CCDC107: variants seen among roughly 807,000 people sequenced by gnomAD.
CCDC107 encodes coiled-coil domain containing 107, also known as coiled-coil domain-containing protein 107.
CCDC107 carries 17 observed loss-of-function variants against 17.9 expected under a neutral mutation model. The ratio of observed to expected loss-of-function variants is 0.95; its 90% CI spans 0.65 to 1.42. CCDC107 has a LOEUF of 1.42. Ranked by LOEUF, CCDC107 falls within the 40% of genes most tolerant of loss-of-function variation. The probability of loss-of-function intolerance (pLI) is 0.00; values close to 1 mark genes in which losing one functional copy is unlikely to be tolerated. For synonymous variants in CCDC107, 170 were observed against 157.2 expected, an observed-to-expected ratio of 1.08 and a Z score of -0.61; for missense variants, 388 against 360.1, an observed-to-expected ratio of 1.08 and a Z score of -0.63.
chr9:35,661,323 GAAGA>G lies in CCDC107; in HGVS notation c.*137_*140del. The G allele has an allele frequency of 1.6e-6, 1 of 625,280 alleles. No individual in the cohort carries two copies. Among genetic ancestry groups the G allele is most frequent in the Non-Finnish European group, 2.8e-6 (1 of 363,302 alleles). 38.7% of individuals were successfully genotyped at this position (625,280 alleles called of 1,614,324 possible). On this transcript the variant is annotated 3_prime_UTR_variant, in exon 5 of 5. Coordinates refer to ENST00000426546, the MANE Select transcript of CCDC107 (RefSeq NM_174923.3). The stretch of plus-strand genomic sequence containing the variant: ...GGCTGCCTTCCAGTGTGACAGCAGA[GAAGA>G]TAGAGGGAGCTCCAGCTCTTTTCCT...
rs1365114611 is a variant in CCDC107, at chr9:35,658,366, C to T, written c.-14C>T. ...CGGCACCGCCCGCCCGATCCCTCCA[C>T]CCGTGGGCCGGCAATGGCGGGCGCA... On this transcript the variant is annotated 5_prime_UTR_variant, in exon 1 of 5. Coordinates refer to ENST00000426546, the MANE Select transcript of CCDC107 (RefSeq NM_174923.3). 7 of 1,395,930 alleles carry T rather than the reference C, an allele frequency of 5.0e-6. No individual in the cohort carries two copies. In the East Asian group the frequency reaches 1.2e-4, roughly 24 times the overall value. The allele number at this position is 1,395,930 out of a possible 1,614,324, so 86.5% of individuals were successfully genotyped here.
intron 2 of CCDC107, chr9:35,659,779 A>G (rs1276912211): frequency 6.6e-6 from 1 of 152,234 alleles, no homozygotes; most frequent in Non-Finnish European, 1.5e-5. Context: ...AGGCTCCAGT[A>G]AGCACTATGG....
Position 35,658,616 on chromosome 9 carries a change from G to T in CCDC107, c.147G>T (p.Arg49=). 2 of 1,577,268 alleles carry T rather than the reference G, an allele frequency of 1.3e-6. No individual in the cohort carries two copies. Among genetic ancestry groups the T allele is most frequent in the Non-Finnish European group, 1.7e-6 (2 of 1,167,518 alleles). ...CCGGCTCTGGAGCCACGGAACCCCG[G>T]CGGCGACCACCGCTCAAGGATCAAC... The part of the protein sequence containing the change: ...AHPGSGATEP[R]RRPPLKDQRE... Residue 49 remains arginine (R), a synonymous_variant, in exon 2 of 5, where the codon CGG becomes CGT. Transcript: ENST00000426546.
At position 35,661,380 on chromosome 9, in the gene CCDC107, G is replaced by C; in HGVS notation, c.*193G>C. The C allele has an allele frequency of 2.1e-6, 1 of 480,350 alleles. No individual in the cohort carries two copies. Among genetic ancestry groups the C allele is most frequent in the Non-Finnish European group, 3.7e-6 (1 of 273,942 alleles). 29.8% of individuals were successfully genotyped at this position (480,350 alleles called of 1,614,324 possible). A position where few individuals can be genotyped will look rare whatever the true frequency, so the allele number is the denominator to read the frequency against. Reference sequence around the variant, plus strand: ...TATTCCTGAGGCCACCAGCATGCCCGCGTTCAGGGCCCAAAAATCCCTTTT... The same window carrying C: ...TATTCCTGAGGCCACCAGCATGCCCCCGTTCAGGGCCCAAAAATCCCTTTT... On this transcript the variant is annotated 3_prime_UTR_variant, in exon 5 of 5. Coordinates refer to ENST00000426546, the MANE Select transcript of CCDC107 (RefSeq NM_174923.3).
In CCDC107 at chr9:35,661,366, C is replaced by T; in HGVS notation, c.*179C>T. 3.9e-6 allele frequency: 2 copies of T among 515,624 alleles called. No individual in the cohort carries two copies. Among genetic ancestry groups the T allele is most frequent in the South Asian group, 6.8e-5 (2 of 29,444 alleles). The allele number at this position is 515,624 out of a possible 1,614,324, so 31.9% of individuals were successfully genotyped here. On this transcript the variant is annotated 3_prime_UTR_variant, in exon 5 of 5. Coordinates refer to ENST00000426546, the MANE Select transcript of CCDC107 (RefSeq NM_174923.3). ...AGCTCTTTTCCTCGTATTCCTGAGG[C>T]CACCAGCATGCCCGCGTTCAGGGCC...
At position 35,658,304 on chromosome 9, in the gene CCDC107, G is replaced by A; in HGVS notation, c.-76G>A. 1 of 1,229,508 alleles carries A rather than the reference G, an allele frequency of 8.1e-7. No homozygotes were observed. Among genetic ancestry groups the A allele is most frequent in the Non-Finnish European group, 1.0e-6 (1 of 963,982 alleles). 76.2% of individuals were successfully genotyped at this position (1,229,508 alleles called of 1,614,324 possible). A position where few individuals can be genotyped will look rare whatever the true frequency, so the allele number is the denominator to read the frequency against. ...AGCCGGCCGGCCTGCTCGCGTGCGCGTGCGCGTTGGGGCGGCCGGCCAATG... is the reference window on the plus strand; with the variant it reads ...AGCCGGCCGGCCTGCTCGCGTGCGCATGCGCGTTGGGGCGGCCGGCCAATG... On this transcript the variant is annotated 5_prime_UTR_variant, in exon 1 of 5. The change creates a new upstream start codon in the 5' untranslated region. Coordinates refer to ENST00000426546, the MANE Select transcript of CCDC107 (RefSeq NM_174923.3).
chr9:35,660,675 T>A, intron 4 of CCDC107, 28 bp downstream of exon 4: 2 of 1,613,978 alleles, frequency 1.2e-6, no homozygotes. Context: ...TCTGTGAATT[T>A]TTGGGGAATT....
chr9:35,660,703 A>G (rs1413249989), intron 4 of CCDC107, 43 bp from the exon 5 acceptor site: 8 of 1,613,546 alleles, frequency 5.0e-6, no homozygotes, highest in Non-Finnish European at 5.9e-6. Flanking sequence ...GGAGGGAGGA[A>G]TGGGGACATA....
rs1563912978 is a variant in CCDC107 at position 35,660,969 on chromosome 9, T to C, written c.634T>C (p.Cys212Arg). 1.2e-6 allele frequency: 2 copies of C among 1,614,154 alleles called. No homozygotes were observed. Among genetic ancestry groups the C allele is most frequent in the East Asian group, 2.2e-5 (1 of 44,878 alleles). Residue 212 changes from cysteine to arginine, a missense_variant, in exon 5 of 5, where the codon TGT (cysteine) becomes CGT (arginine). Cys to Arg is a radical substitution (Grantham distance 180). Coordinates refer to ENST00000426546, the MANE Select transcript of CCDC107 (RefSeq NM_174923.3). ...CAGCAGACCTCTTCCTGAGGACTTC[T>C]GTTTAAAGGAGGACGAGGAGGAGAT... is the stretch of plus-strand genomic sequence containing the variant. ...EASRPLPEDF[C>R]LKEDEEEIGD...
Position 35,661,070 on chromosome 9 carries a change from G to A in CCDC107, c.735G>A (p.Val245=), listed in dbSNP as rs751950189. Residue 245 remains valine (V), a synonymous_variant, in exon 5 of 5, where the codon GTG becomes GTA. Transcript: ENST00000426546. ...ETWNLATSWE[V]GRGLRRRCSQ... ...GGAACCTAGCTACTTCCTGGGAGGTGGGGCGGGGACTACGGAGAAGGTGCA... is the reference window on the plus strand; with the variant it reads ...GGAACCTAGCTACTTCCTGGGAGGTAGGGCGGGGACTACGGAGAAGGTGCA... 1.9e-6 allele frequency: 3 copies of A among 1,614,190 alleles called. No individual in the cohort carries two copies. In the African/African-American group the frequency reaches 4.0e-5, roughly 22 times the overall value.
rs1450131149 is a variant in CCDC107, at chr9:35,660,381, C to T, written c.259-20C>T. On this transcript the variant is annotated intron_variant, in intron 2 of 4. Coordinates refer to ENST00000426546, the MANE Select transcript of CCDC107 (RefSeq NM_174923.3). ...AGAACCTTGTTGCTTCAGTACTGCC[C>T]TTTCCTTCTTCCACAACAGGGGAAA... 6.3e-7 allele frequency: 1 copy of T among 1,578,316 alleles called. No homozygotes were observed. Among genetic ancestry groups the T allele is most frequent in the Non-Finnish European group, 8.6e-7 (1 of 1,163,134 alleles).
rs1489880552 is a variant in CCDC107 at position 35,658,586 on chromosome 9, C to T, written c.117C>T (p.Ala39=). 1.3e-6 allele frequency: 2 copies of T among 1,582,494 alleles called. No homozygotes were observed. Among genetic ancestry groups the T allele is most frequent in the Non-Finnish European group, 1.7e-6 (2 of 1,172,528 alleles). Residue 39 remains alanine (A), a synonymous_variant, in exon 2 of 5, where the codon GCC becomes GCT. Transcript: ENST00000426546. ...ATCCTCCCTCCGCAGGGAACGCAGC[C>T]CACCCCGGCTCTGGAGCCACGGAAC... ...PDLRAHPGNA[A]HPGSGATEPR...
At chr9:35,658,889 T>C in intron 2 of CCDC107, 162 bp downstream of exon 2, 1 of 460,020 alleles carries the variant, frequency 2.2e-6, no homozygotes. Flanking sequence ...CCTTCCAATA[T>C]TATGAGGTTA....
Position 35,661,075 on chromosome 9 carries a change from G to C in CCDC107, c.740G>C (p.Arg247Pro). Residue 247 changes from arginine (R) to proline (P), a missense_variant, in exon 5 of 5, where the codon CGG becomes CCG. By Grantham distance (103) the Arg-to-Pro change is moderately radical. Transcript: ENST00000426546. ...CTAGCTACTTCCTGGGAGGTGGGGCGGGGACTACGGAGAAGGTGCAGCCAG... is the reference window on the plus strand; with the variant it reads ...CTAGCTACTTCCTGGGAGGTGGGGCCGGGACTACGGAGAAGGTGCAGCCAG... ...WNLATSWEVG[R>P]GLRRRCSQAV... 1 of 1,614,186 alleles carries C rather than the reference G, an allele frequency of 6.2e-7. No homozygotes were observed. Among genetic ancestry groups the C allele is most frequent in the Non-Finnish European group, 8.5e-7 (1 of 1,180,040 alleles).
At position 35,660,624 on chromosome 9, in the gene CCDC107, C is replaced by T. The variant is rs1386516302; in HGVS notation, c.387C>T (p.Ala129=). ...AGCAGCACCTGAACAACCTGATGGC[C>T]CAGCTGGACCCCCTTTTTGAGCGGT... The part of the protein sequence containing the change: ...QTEQHLNNLM[A]QLDPLFERVT... The change falls in exon 4 of 5, where the codon GCC becomes GCT. Residue 129 remains alanine (A), a synonymous_variant. Transcript: ENST00000426546. 1 of 1,614,050 alleles carries T rather than the reference C, an allele frequency of 6.2e-7. No homozygotes were observed. The highest frequency in any genetic ancestry group is 8.5e-7 in the Non-Finnish European group (1 of 1,180,042).
At position 35,661,233 on chromosome 9, in the gene CCDC107, C is replaced by T; in HGVS notation, c.*46C>T. The T allele has an allele frequency of 7.1e-7, 1 of 1,402,622 alleles. No homozygotes were observed. Among genetic ancestry groups the T allele is most frequent in the South Asian group, 1.3e-5 (1 of 75,012 alleles). The allele number at this position is 1,402,622 out of a possible 1,614,324, so 86.9% of individuals were successfully genotyped here. A position where few individuals can be genotyped will look rare whatever the true frequency, so the allele number is the denominator to read the frequency against. Reference sequence around the variant, plus strand: ...TTTCGATCCTAGTTGGTTGTACACACCCATACTAGGTGCCTAAGGACAACT... The same window carrying T: ...TTTCGATCCTAGTTGGTTGTACACATCCATACTAGGTGCCTAAGGACAACT... On this transcript the variant is annotated 3_prime_UTR_variant, in exon 5 of 5. Coordinates refer to ENST00000426546, the MANE Select transcript of CCDC107 (RefSeq NM_174923.3).
In CCDC107 at chr9:35,661,076, G is replaced by T; in HGVS notation, c.741G>T (p.Arg247=). Residue 247 remains arginine (R), a synonymous_variant, in exon 5 of 5, where the codon CGG becomes CGT. Coordinates refer to ENST00000426546, the MANE Select transcript of CCDC107 (RefSeq NM_174923.3). Reference sequence around the variant, plus strand: ...TAGCTACTTCCTGGGAGGTGGGGCGGGGACTACGGAGAAGGTGCAGCCAGG... The same window carrying T: ...TAGCTACTTCCTGGGAGGTGGGGCGTGGACTACGGAGAAGGTGCAGCCAGG... ...WNLATSWEVG[R]GLRRRCSQAV... The T allele has an allele frequency of 6.2e-7, 1 of 1,614,182 alleles. No individual in the cohort carries two copies. The highest frequency in any genetic ancestry group is 8.5e-7 in the Non-Finnish European group (1 of 1,180,036).
At position 35,660,821 on chromosome 9, in the gene CCDC107, TAGCAAGCC is replaced by T. The variant is rs1823891318; in HGVS notation, c.487_494del (p.Ser163GlyfsTer11). On this transcript the variant is annotated frameshift_variant, in exon 5 of 5. Transcript: ENST00000426546. LOFTEE classifies it low-confidence loss of function (END_TRUNC). ...GGACCATCCACGAGCTGCTGCAAGA[TAGCAAGCC>T]GGACAAGGATATGGAGGCTTCAGAA... 1 of 1,614,042 alleles carries T rather than the reference TAGCAAGCC, an allele frequency of 6.2e-7. No individual in the cohort carries two copies. Among genetic ancestry groups the T allele is most frequent in the Non-Finnish European group, 8.5e-7 (1 of 1,180,046 alleles).
rs145670939 is a variant in CCDC107, at chr9:35,660,830, G to A, written c.495G>A (p.Pro165=). 1.8e-5 allele frequency: 29 copies of A among 1,614,188 alleles called. No individual in the cohort carries two copies. Among genetic ancestry groups the A allele is most frequent in the East Asian group, 8.9e-5 (4 of 44,888 alleles). Residue 165 remains proline, a synonymous_variant, in exon 5 of 5, where the codon CCG becomes CCA. Coordinates refer to ENST00000426546, the MANE Select transcript of CCDC107 (RefSeq NM_174923.3). ...TIHELLQDSK[P]DKDMEASEPG... is the part of the protein sequence containing the mutation. ...ACGAGCTGCTGCAAGATAGCAAGCC[G>A]GACAAGGATATGGAGGCTTCAGAAC...
Sources: allele counts gnomAD v4.1 joint callset, GRCh38; gene constraint gnomAD v4.1.1; transcripts MANE v1.5; gene names NCBI Gene and HGNC (gene_info 2026-07-23, HGNC 2026-07-21).